The following ADAM9 variants were observed in gnomAD, a reference collection of about 807,000 sequenced individuals.
The protein encoded by ADAM9 is disintegrin and metalloproteinase domain-containing protein 9.
ADAM9 carries 54 observed loss-of-function variants against 108.1 expected under a neutral mutation model. That is an observed-to-expected ratio of 0.50 (90% confidence interval 0.40 to 0.63). ADAM9 has a LOEUF of 0.63. Ranked by LOEUF, ADAM9 falls within the 20% of genes least tolerant of loss-of-function variation. ADAM9 has a pLI of 0.00. For synonymous variants in ADAM9, 316 were observed against 336.0 expected (o/e 0.94, Z 0.65); for missense variants, 830 against 997.7 (o/e 0.83, Z 2.26).
At chr8:39,012,378 G>A (rs1836383002) in intron 3 of ADAM9, among the ~76,000 whole-genome samples, 1 of 152,208 alleles carries the variant, frequency 6.6e-6, no homozygotes. Flanking sequence ...CATTGTGGAA[G>A]ACAGTATGGC....
intron 8 of ADAM9, 84 bp downstream of exon 8, chr8:39,021,798 G>A (rs1836749917): frequency 7.9e-7 from 1 of 1,271,050 alleles, no homozygotes; most frequent in Admixed American, 1.7e-5. Flanking sequence ...CTCATTTTGA[G>A]TTCTGATTTT....
Position 39,027,903 on chromosome 8 carries a change from T to TA in ADAM9, c.1130+1102dup, listed in dbSNP as rs200492078. Among the ~76,000 whole-genome samples, 445 of 150,418 alleles carry TA rather than the reference T, an allele frequency of 3.0e-3. 3 individuals are homozygous for TA. Among genetic ancestry groups the TA allele is most frequent in the African/African-American group, 1.0e-2 (410 of 41,028 alleles). ...GGGCAACACGGTGAGACCCTGTCTC[T>TA]AAAAAAAAATAAATAAATAAATAAA... is the stretch of plus-strand genomic sequence containing the variant. On this transcript the variant is annotated intron_variant, in intron 11 of 21. Transcript: ENST00000487273.
intron 11 of ADAM9, among the ~76,000 whole-genome samples, chr8:39,036,812 A>G (rs1447540952): frequency 6.6e-6 from 1 of 151,842 alleles, no homozygotes; most frequent in Non-Finnish European, 1.5e-5. Flanking sequence ...AAGCACCACA[A>G]GTGTCTATGA....
intron 20 of ADAM9, among the ~76,000 whole-genome samples, chr8:39,100,086 T>G (rs533474762): frequency 8.5e-5 from 13 of 152,122 alleles, no homozygotes; most frequent in African/African-American, 3.1e-4. Context: ...TTGGCCAGGC[T>G]GGTCTTGAAC....
chr8:39,015,930 G>C, intron 4 of ADAM9, 188 bp from the exon 5 acceptor site: 1 of 602,266 alleles, frequency 1.7e-6, no homozygotes, highest in Non-Finnish European at 2.9e-6. Context: ...TACTCATAGG[G>C]TGGTAGGAGA....
chr8:39,089,902 T>G, intron 18 of ADAM9, 145 bp from the exon 19 acceptor site: 1 of 900,786 alleles, frequency 1.1e-6, no homozygotes, highest in Non-Finnish European at 1.8e-6. Context: ...AGGAATGAAC[T>G]TTGTGGAAGA....
intron 12 of ADAM9, among the ~76,000 whole-genome samples, chr8:39,050,832 T>G (rs1837935226): frequency 5.6e-5 from 1 of 17,958 alleles, no homozygotes; most frequent in African/African-American, 5.5e-4. Context: ...TTGGAAGTGT[T>G]TTTTTTTTTT....
chr8:39,103,159 G>A (rs1839752724), intron 21 of ADAM9, among the ~76,000 whole-genome samples: 1 of 152,102 alleles, frequency 6.6e-6, no homozygotes, highest in Non-Finnish European at 1.5e-5. Context: ...AGATGGACAG[G>A]TATAGAAGTC....
At chr8:39,080,138 C>A (rs1490466279) in intron 16 of ADAM9, among the ~76,000 whole-genome samples, 1 of 151,696 alleles carries the variant, frequency 6.6e-6, no homozygotes, top group Non-Finnish European at 1.5e-5. Context: ...TGTGCACATA[C>A]ACTTTGGTAG....
Position 39,045,064 on chromosome 8 carries a change from A to G in ADAM9, c.1302+2947A>G, listed in dbSNP as rs1253636137. 2.5e-4 allele frequency among the ~76,000 whole-genome samples: 7 copies of G among 28,434 alleles called. 3 individuals carry two copies. The highest frequency in any genetic ancestry group is 1.3e-3 in the African/African-American group (7 of 5,300). 18.7% of individuals were successfully genotyped at this position (28,434 alleles called of 152,430 possible). A position where few individuals can be genotyped will look rare whatever the true frequency, so the allele number is the denominator to read the frequency against. On this transcript the variant is annotated intron_variant, in intron 12 of 21. Coordinates refer to ENST00000487273, the MANE Select transcript of ADAM9 (RefSeq NM_003816.3). ...TATGTATGTGTATGTGTGTGTGCAT[A>G]CATACATATGTGTGTGTGCATACAT...
intron 14 of ADAM9, among the ~76,000 whole-genome samples, chr8:39,066,033 A>C (rs1244856145): frequency 6.6e-6 from 1 of 152,156 alleles, no homozygotes; most frequent in Admixed American, 6.5e-5. Context: ...TAGTTTGCTG[A>C]GAATGACGGT....
intron 9 of ADAM9, among the ~76,000 whole-genome samples, chr8:39,024,034 G>A (rs928237590): frequency 3.9e-5 from 6 of 152,076 alleles, no homozygotes; most frequent in African/African-American, 9.7e-5. Flanking sequence ...GCGTGACACT[G>A]GGTATAAAAT....
intron 12 of ADAM9, 140 bp from the exon 13 acceptor site, chr8:39,054,341 C>T (rs1225518523): frequency 2.3e-5 from 17 of 729,048 alleles, no homozygotes; most frequent in Non-Finnish European, 3.8e-5. Context: ...AATCCAGAAA[C>T]AGTAAGCAAC....
chr8:39,050,077 A>C (rs1239659458), intron 12 of ADAM9, among the ~76,000 whole-genome samples: 3 of 152,168 alleles, frequency 2.0e-5, no homozygotes, highest in African/African-American at 7.2e-5. Flanking sequence ...TTACTTTAAT[A>C]TGTCACCTCA....
At chr8:39,063,071 C>A (rs1838348003) in intron 14 of ADAM9, among the ~76,000 whole-genome samples, 1 of 152,176 alleles carries the variant, frequency 6.6e-6, no homozygotes, top group African/African-American at 2.4e-5. Flanking sequence ...TGAGTCCTCA[C>A]CAATGAATTC....
chr8:39,037,461 T>TGG (rs1241644774), intron 11 of ADAM9, among the ~76,000 whole-genome samples: 1 of 146,366 alleles, frequency 6.8e-6, no homozygotes, highest in East Asian at 2.0e-4. Context: ...TGTGTGTGTT[T>TGG]TTTTTTTTTT....
At position 39,018,880 on chromosome 8, in the gene ADAM9, C is replaced by T. The variant is rs748192481; in HGVS notation, c.634C>T (p.Arg212Trp). 8.1e-6 allele frequency: 13 copies of T among 1,613,828 alleles called. No individual in the cohort carries two copies. The highest frequency in any genetic ancestry group is 3.3e-5 in the South Asian group (3 of 91,062). The change falls in exon 7 of 22, where the codon CGG becomes TGG. Residue 212 changes from arginine to tryptophan, a missense_variant. Around this residue, in one of 3 missense-constraint regions of ADAM9, gnomAD observed 381 missense variants for 539.8 expected, o/e 0.71. Transcript: ENST00000487273. ...RRRRAVLPQT[R>W]YVELFIVVDK... is the part of the protein sequence containing the mutation. ...AAGAAGAGCTGTCTTGCCACAGACC[C>T]GGTATGTGGAGCTGTTCATTGTCGT...
At chr8:39,094,629 A>G (rs1797886525) in intron 20 of ADAM9, among the ~76,000 whole-genome samples, 1 of 151,786 alleles carries the variant, frequency 6.6e-6, no homozygotes. Flanking sequence ...CAGATTTTTT[A>G]TTTTGTCTTG....
intron 20 of ADAM9, among the ~76,000 whole-genome samples, chr8:39,098,818 A>G (rs990905368): frequency 1.3e-5 from 2 of 152,022 alleles, no homozygotes; most frequent in Non-Finnish European, 2.9e-5. Context: ...TTGTAAACTC[A>G]CCTTCTTTGG....
Sources: allele counts gnomAD v4.1 joint callset (sites outside exome capture counted in the v4.1 genomes callset), GRCh38; gene constraint gnomAD v4.1.1; regional missense constraint gnomAD v4.1.1; transcripts MANE v1.5; gene names NCBI Gene and HGNC (gene_info 2026-07-23, HGNC 2026-07-21).